Variants in CAAP1 observed in about 807,000 individuals in gnomAD.
CAAP1 encodes caspase activity and apoptosis inhibitor 1, also known as conserved anti-apoptotic protein.
Under a neutral mutation model 34.0 loss-of-function variants are expected in CAAP1, and 20 were observed. That is an observed-to-expected ratio of 0.59 (90% CI 0.41 to 0.86). CAAP1 has a LOEUF of 0.86. Ranked by LOEUF, CAAP1 falls within the 40% of genes least tolerant of loss-of-function variation. The pLI is 0.00. For synonymous variants in CAAP1, 213 were observed against 166.7 expected (o/e 1.28, Z -2.14); for missense variants, 538 against 450.5 (o/e 1.19, Z -1.76).
At chr9:26,870,543 CACAT>C (rs1020747574) in intron 4 of CAAP1, among the ~76,000 whole-genome samples, 1 of 137,484 alleles carries the variant, frequency 7.3e-6, no homozygotes, top group Non-Finnish European at 1.5e-5. Flanking sequence ...TGTATATAGA[CACAT>C]ACACACACAC....
At position 26,851,197 on chromosome 9, in the gene CAAP1, C is replaced by G. The variant is rs10812480; in HGVS notation, c.740-8550G>C. Among the ~76,000 whole-genome samples the G allele has an allele frequency of 5.9e-5, 9 of 152,092 alleles. No homozygotes were observed. The East Asian group carries it at 1.7e-3, about 29-fold the overall frequency. On this transcript the variant is annotated intron_variant, in intron 5 of 5. Transcript: ENST00000333916. The stretch of plus-strand genomic sequence containing the variant: ...CATTATACTTTAACATACCAAATTA[C>G]GCAATACAAAATATAACAGAATTTC...
In CAAP1 at chr9:26,847,307, C is replaced by T. The variant is rs550029185; in HGVS notation, c.740-4660G>A. ...TCGGCTCACTGCAAGCTCCACCTCC[C>T]GGGTTCACGCCATTCTCCCGCCTCA... On this transcript the variant is annotated intron_variant, in intron 5 of 5. Transcript: ENST00000333916. 4.3e-3 allele frequency among the ~76,000 whole-genome samples: 607 copies of T among 142,532 alleles called. 1 individual carries two copies. Among genetic ancestry groups the T allele is most frequent in the Middle Eastern group, 0.023 (6 of 264 alleles). 93.5% of individuals were successfully genotyped at this position (142,532 alleles called of 152,430 possible).
Position 26,842,520 on chromosome 9 carries a change from ACCAG to A in CAAP1, c.863_866del (p.Ala288ValfsTer3). ...TGTCTTTCTCCAGGTCATCTATCTG[ACCAG>A]CTTCACTTTGGACTGTATTTTCTGG... On this transcript the variant is annotated frameshift_variant, in exon 6 of 6. Transcript: ENST00000333916. LOFTEE classifies it high-confidence loss of function. 6.2e-7 allele frequency: 1 copy of A among 1,614,148 alleles called. No individual in the cohort carries two copies. The highest frequency in any genetic ancestry group is 8.5e-7 in the Non-Finnish European group (1 of 1,180,030).
chr9:26,856,630 A>C (rs1176032473), intron 5 of CAAP1, among the ~76,000 whole-genome samples: 3 of 152,110 alleles, frequency 2.0e-5, no homozygotes, highest in Non-Finnish European at 2.9e-5. Context: ...GTGTCCAAAC[A>C]CCTTCAGCAT....
chr9:26,892,467 C>T lies in CAAP1; in HGVS notation c.249G>A (p.Glu83=). The T allele has an allele frequency of 6.4e-7, 1 of 1,567,378 alleles. No homozygotes were observed. The highest frequency in any genetic ancestry group is 1.2e-5 in the South Asian group (1 of 86,400). Residue 83 remains glutamate (E), a synonymous_variant, in exon 1 of 6, where the codon GAG becomes GAA. Transcript: ENST00000333916. ...CWGGSSVERS[E]RRKRRSTDSS... is the part of the protein sequence containing the mutation. ...AGTCGGTACTCCTCCGCTTCCGGCGCTCGCTGCGCTCCACGCTGCTCCCGC... is the reference window on the plus strand; with the variant it reads ...AGTCGGTACTCCTCCGCTTCCGGCGTTCGCTGCGCTCCACGCTGCTCCCGC...
In CAAP1 at chr9:26,887,427, A is replaced by T. The variant is rs1480436074; in HGVS notation, c.390T>A (p.Thr130=). 1 of 1,613,532 alleles carries T rather than the reference A, an allele frequency of 6.2e-7. No homozygotes were observed. Among genetic ancestry groups the T allele is most frequent in the Non-Finnish European group, 8.5e-7 (1 of 1,179,768 alleles). ...AGAAACTAACTGGTTTCAATGACAC[A>T]GTCAGGTCCAGTCCACCTTCTTCAA... ...SDLEEGGLDL[T]VSLKPVSFYI... is the part of the protein sequence containing the mutation. Residue 130 remains threonine (T), a synonymous_variant, in exon 2 of 6, where the codon ACT becomes ACA. Coordinates refer to ENST00000333916, the MANE Select transcript of CAAP1 (RefSeq NM_024828.4).
rs1393511459 is a variant in CAAP1 at position 26,887,299 on chromosome 9, G to A, written c.504+14C>T. The A allele has an allele frequency of 1.3e-6, 2 of 1,512,560 alleles. No homozygotes were observed. The allele number at this position is 1,512,560 out of a possible 1,614,324, so 93.7% of individuals were successfully genotyped here. ...TTTCTACATATGTATCTAGTCTGAT[G>A]TGTAATGAAGTACCTTTAACACATC... On this transcript the variant is annotated intron_variant, in intron 2 of 5. Transcript: ENST00000333916.
At chr9:26,890,591 G>T (rs943809268) in intron 1 of CAAP1, among the ~76,000 whole-genome samples, 1 of 151,900 alleles carries the variant, frequency 6.6e-6, no homozygotes. Flanking sequence ...AAAACACAAA[G>T]CTTCCTAATT....
At chr9:26,870,979 T>A (rs1237683637) in intron 4 of CAAP1, among the ~76,000 whole-genome samples, 2 of 152,136 alleles carry the variant, frequency 1.3e-5, no homozygotes, top group Admixed American at 6.5e-5. Flanking sequence ...ATGCTGCCCA[T>A]CAATGCAGTT....
intron 4 of CAAP1, chr9:26,869,878 A>C (rs573369819): frequency 1.3e-6 from 1 of 794,124 alleles, no homozygotes; most frequent in Non-Finnish European, 1.5e-6. Flanking sequence ...GAGAAACTTC[A>C]ATTTTTTAAA....
At chr9:26,881,484 G>A (rs1273190216) in intron 4 of CAAP1, among the ~76,000 whole-genome samples, 1 of 152,132 alleles carries the variant, frequency 6.6e-6, no homozygotes, top group Admixed American at 6.5e-5. Context: ...AAGATCTGAT[G>A]GTTTTATAAG....
At chr9:26,849,180 C>T (rs1822685469) in intron 5 of CAAP1, among the ~76,000 whole-genome samples, 1 of 152,214 alleles carries the variant, frequency 6.6e-6, no homozygotes, top group African/African-American at 2.4e-5. Flanking sequence ...AGAGGATCAA[C>T]TATAAGGGAT....
intron 5 of CAAP1, among the ~76,000 whole-genome samples, chr9:26,853,211 A>G (rs901286126): frequency 2.0e-5 from 3 of 152,146 alleles, no homozygotes; most frequent in African/African-American, 7.2e-5. Context: ...GATGAAGGAA[A>G]GGACTAAGGA....
chr9:26,881,303 A>G (rs945293324), intron 4 of CAAP1, among the ~76,000 whole-genome samples: 1 of 152,214 alleles, frequency 6.6e-6, no homozygotes, highest in African/African-American at 2.4e-5. Flanking sequence ...AAAGTTAAAT[A>G]GCTACTATAA....
intron 4 of CAAP1, among the ~76,000 whole-genome samples, chr9:26,866,918 G>T (rs1412380181): frequency 6.6e-6 from 1 of 152,076 alleles, no homozygotes; most frequent in Non-Finnish European, 1.5e-5. Context: ...CCAACGCCTG[G>T]GCCACAGATC....
At chr9:26,859,153 C>T (rs932119427) in intron 5 of CAAP1, among the ~76,000 whole-genome samples, 2 of 152,126 alleles carry the variant, frequency 1.3e-5, no homozygotes, top group African/African-American at 2.4e-5. Context: ...TTCCTAATGT[C>T]TCATACCTCC....
At chr9:26,855,556 CT>C (rs1224682290) in intron 5 of CAAP1, among the ~76,000 whole-genome samples, 2 of 152,106 alleles carry the variant, frequency 1.3e-5, no homozygotes, top group African/African-American at 2.4e-5. Context: ...ACTCTCTGTA[CT>C]TCCTGCTCAC....
chr9:26,853,053 G>C (rs1256873885), intron 5 of CAAP1, among the ~76,000 whole-genome samples: 5 of 152,200 alleles, frequency 3.3e-5, no homozygotes, highest in Non-Finnish European at 4.4e-5. Context: ...AGGAAAGATG[G>C]ACTATGGATT....
intron 4 of CAAP1, among the ~76,000 whole-genome samples, chr9:26,882,712 G>A (rs527764749): frequency 4.6e-5 from 7 of 152,198 alleles, no homozygotes; most frequent in South Asian, 4.1e-4. Context: ...AACTTGCACC[G>A]TGCACCTGGA....
Sources: gnomAD v4.1 joint callset for allele counts (sites outside exome capture counted in the v4.1 genomes callset) on GRCh38, gnomAD v4.1.1 for gene constraint, MANE v1.5 for transcripts, NCBI Gene and HGNC (gene_info 2026-07-23, HGNC 2026-07-21) for gene names.